The following MYRFL variants were observed in gnomAD, a reference collection of about 807,000 sequenced individuals.
The protein encoded by MYRFL is myelin regulatory factor-like protein.
Under a neutral mutation model 109.4 loss-of-function variants are expected in MYRFL, and 88 were observed. The observed-to-expected ratio is 0.80, with a 90% CI of 0.68 to 0.96. The LOEUF is 0.96. Ranked by LOEUF, MYRFL falls within the 40% of genes least tolerant of loss-of-function variation. The pLI is 0.00. For missense variants in MYRFL, 957 were observed against 954.9 expected, an observed-to-expected ratio of 1.00 and a Z score of -0.03; for synonymous variants, 324 against 320.9, an observed-to-expected ratio of 1.01 and a Z score of -0.10.
chr12:69,861,890 TGTAA>T (rs1233265889), intron 2 of MYRFL, among the ~76,000 whole-genome samples: 1 of 151,876 alleles, frequency 6.6e-6, no homozygotes, highest in Non-Finnish European at 1.5e-5. Flanking sequence ...AGGTCTAACA[TGTAA>T]GTCTTTAATC....
chr12:69,879,405 T>C lies in MYRFL; in HGVS notation c.416T>C (p.Leu139Pro), dbSNP rs145634718. 39 of 702,888 alleles carry C rather than the reference T, an allele frequency of 5.5e-5. No individual in the cohort carries two copies. The East Asian group carries it at 9.9e-4, about 18-fold the overall frequency. The allele number at this position is 702,888 out of a possible 1,614,324, so 43.5% of individuals were successfully genotyped here. Residue 139 changes from leucine to proline, a missense_variant, in exon 4 of 25, where the codon CTG becomes CCG. Transcript: ENST00000552032. ...CTGGACCAATCCGTGTCCTCCCATC[T>C]GGGGATAGGTTGTTCTTACCCTCAG... The part of the protein sequence containing the change: ...TPLDQSVSSH[L>P]GIGCSYPQQP...
intron 1 of MYRFL, among the ~76,000 whole-genome samples, chr12:69,835,137 C>T (rs1201679477): frequency 2.0e-5 from 3 of 152,100 alleles, no homozygotes; most frequent in Admixed American, 6.5e-5. Context: ...TTTAAAAGAA[C>T]CGGTTCTTGT....
chr12:69,949,653 AT>A (rs35862776), intron 19 of MYRFL, among the ~76,000 whole-genome samples: 43,749 of 145,948 alleles, frequency 0.3, 6,504 homozygotes, highest in East Asian at 0.48. Flanking sequence ...TTTTTTTGTA[AT>A]TTTTTTTTTT....
At chr12:69,936,897 A>G (rs919760664) in intron 19 of MYRFL, among the ~76,000 whole-genome samples, 2 of 152,254 alleles carry the variant, frequency 1.3e-5, no homozygotes, top group Non-Finnish European at 2.9e-5. Flanking sequence ...CAACAAGGAT[A>G]GTAATAGTAG....
intron 20 of MYRFL, among the ~76,000 whole-genome samples, chr12:69,952,583 G>A (rs1956005432): frequency 6.6e-6 from 1 of 152,106 alleles, no homozygotes; most frequent in Admixed American, 6.5e-5. Flanking sequence ...TGGAGCCTGA[G>A]TTTTTATTAG....
chr12:69,954,520 T>C (rs1956054225), intron 21 of MYRFL, among the ~76,000 whole-genome samples: 1 of 152,250 alleles, frequency 6.6e-6, no homozygotes, highest in African/African-American at 2.4e-5. Context: ...AGATGTATAA[T>C]GTTTCGTTTT....
At chr12:69,896,401 A>G (rs1235252192) in intron 9 of MYRFL, among the ~76,000 whole-genome samples, 1 of 152,206 alleles carries the variant, frequency 6.6e-6, no homozygotes, top group African/African-American at 2.4e-5. Flanking sequence ...GAGAATAGGA[A>G]TGTTACAGAG....
At chr12:69,887,508 A>G (rs961898533) in intron 6 of MYRFL, among the ~76,000 whole-genome samples, 1 of 152,196 alleles carries the variant, frequency 6.6e-6, no homozygotes, top group Non-Finnish European at 1.5e-5. Context: ...GAAAAGCTTC[A>G]CCCAATTTTT....
intron 17 of MYRFL, 25 bp downstream of exon 17, chr12:69,936,212 G>A: frequency 6.5e-7 from 1 of 1,530,408 alleles, no homozygotes; most frequent in Non-Finnish European, 8.7e-7. Context: ...CAATTTTCTG[G>A]CCTAAAATTC....
chr12:69,903,873 T>G, intron 11 of MYRFL, 29 bp downstream of exon 11: 1 of 1,488,764 alleles, frequency 6.7e-7, no homozygotes, highest in Non-Finnish European at 8.9e-7. Context: ...CCTGGGCCCC[T>G]CCTCTGACAC....
chr12:69,948,744 A>G (rs1337781055), intron 19 of MYRFL, among the ~76,000 whole-genome samples: 2 of 152,184 alleles, frequency 1.3e-5, no homozygotes, highest in African/African-American at 4.8e-5. Context: ...AACTCCTCAT[A>G]TATCAGGACC....
At chr12:69,936,223 C>T in intron 17 of MYRFL, 36 bp downstream of exon 17, 1 of 1,533,984 alleles carries the variant, frequency 6.5e-7, no homozygotes, top group Admixed American at 2.0e-5. Context: ...CCTAAAATTC[C>T]TTTGGAGAGA....
chr12:69,946,411 A>G (rs1565648797), intron 19 of MYRFL: 1 of 152,158 alleles, frequency 6.6e-6, no homozygotes, highest in Non-Finnish European at 1.5e-5. Flanking sequence ...AAACCCAAAA[A>G]CTTTTGGAAA....
At chr12:69,904,721 T>A (rs1173542667) in intron 11 of MYRFL, among the ~76,000 whole-genome samples, 2 of 152,206 alleles carry the variant, frequency 1.3e-5, no homozygotes, top group Non-Finnish European at 2.9e-5. Context: ...GCCATTTAAT[T>A]ATTTCCCATG....
intron 5 of MYRFL, among the ~76,000 whole-genome samples, chr12:69,884,486 G>A (rs1055428111): frequency 3.3e-5 from 5 of 152,292 alleles, no homozygotes; most frequent in Admixed American, 6.5e-5. Flanking sequence ...TGTCTTTGAG[G>A]ACAATCCTCC....
chr12:69,934,297 A>AATC lies in MYRFL; in HGVS notation c.1916+1700_1916+1702dup, dbSNP rs559667417. On this transcript the variant is annotated intron_variant, in intron 16 of 24. Coordinates refer to ENST00000552032, the MANE Select transcript of MYRFL (RefSeq NM_182530.3). The stretch of plus-strand genomic sequence containing the variant: ...CCACTCCAGGTGCTGATACAGGAGC[A>AATC]ATCTCCATGCAGGGCTCATGGCCAG... 4.6e-5 allele frequency among the ~76,000 whole-genome samples: 7 copies of AATC among 152,334 alleles called. No homozygotes were observed. The South Asian group carries it at 1.4e-3, about 32-fold the overall frequency.
intron 2 of MYRFL, among the ~76,000 whole-genome samples, chr12:69,865,353 G>A (rs570107939): frequency 1.1e-4 from 17 of 152,280 alleles, no homozygotes; most frequent in African/African-American, 4.1e-4. Flanking sequence ...ATTTTTCTTG[G>A]CTTCTCTTTG....
chr12:69,847,505 A>C (rs1883629398), intron 1 of MYRFL, among the ~76,000 whole-genome samples: 1 of 152,232 alleles, frequency 6.6e-6, no homozygotes, highest in South Asian at 2.1e-4. Context: ...AGAGAAAACA[A>C]AACAAAGCAC....
intron 19 of MYRFL, among the ~76,000 whole-genome samples, chr12:69,943,854 C>T (rs1955746023): frequency 6.6e-6 from 1 of 152,002 alleles, no homozygotes; most frequent in East Asian, 1.9e-4. Context: ...ACAAACAGCC[C>T]CATCAAAAAG....
Sources: allele counts gnomAD v4.1 joint callset (sites outside exome capture counted in the v4.1 genomes callset), GRCh38; gene constraint gnomAD v4.1.1; transcripts MANE v1.5; gene names NCBI Gene and HGNC (gene_info 2026-07-23, HGNC 2026-07-21).